Variants in FANCC observed in about 807,000 individuals in gnomAD.
FANCC encodes FA complementation group C.
FANCC carries 55 observed loss-of-function variants against 71.3 expected under a neutral mutation model. The ratio of observed to expected loss-of-function variants is 0.77; its 90% confidence interval spans 0.62 to 0.97. FANCC has a LOEUF of 0.97. FANCC is among the 50% of genes least tolerant of loss of function. The pLI is 0.00. For missense variants in FANCC, 678 were observed against 670.9 expected, an observed-to-expected ratio of 1.01 and a Z score of -0.12; for synonymous variants, 275 against 244.9, an observed-to-expected ratio of 1.12 and a Z score of -1.15.
intron 1 of FANCC, among the ~76,000 whole-genome samples, chr9:95,284,927 CAGAG>C (rs1269171248): frequency 5.3e-5 from 8 of 151,210 alleles, no homozygotes; most frequent in African/African-American, 1.9e-4. Context: ...CGCACACGCA[CAGAG>C]AGAGACACGC....
chr9:95,308,626 G>A lies in FANCC; in HGVS notation c.-79+8900C>T, dbSNP rs528930233. ...CCACCAGGACTCAAGTGATCCACCC[G>A]CCTCGGCCTCCCAAAGTGCTGCGAT... is the stretch of plus-strand genomic sequence containing the variant. On this transcript the variant is annotated intron_variant, in intron 1 of 14. Transcript: ENST00000289081. Among the ~76,000 whole-genome samples, 93 of 151,966 alleles carry A rather than the reference G, an allele frequency of 6.1e-4. 1 individual carries two copies. The East Asian group carries it at 0.017, about 28-fold the overall frequency.
At chr9:95,149,725 C>T (rs1401414787) in intron 7 of FANCC, among the ~76,000 whole-genome samples, 198 bp downstream of exon 7, 5 of 152,114 alleles carry the variant, frequency 3.3e-5, no homozygotes, top group African/African-American at 7.2e-5. Context: ...GTGATCCACC[C>T]GCCTTGGCCT....
intron 4 of FANCC, among the ~76,000 whole-genome samples, chr9:95,185,902 A>G (rs528561620): frequency 1.4e-4 from 22 of 152,382 alleles, no homozygotes; most frequent in African/African-American, 5.0e-4. Context: ...TTTGAGATGT[A>G]TAAAAGTATT....
chr9:95,261,898 T>A (rs1054794189), intron 1 of FANCC, among the ~76,000 whole-genome samples: 2 of 151,460 alleles, frequency 1.3e-5, no homozygotes, highest in African/African-American at 4.9e-5. Context: ...CAGGAAGAGG[T>A]GAGGGGCTGG....
chr9:95,113,278 T>C (rs975690363), intron 12 of FANCC, among the ~76,000 whole-genome samples: 2 of 152,180 alleles, frequency 1.3e-5, no homozygotes, highest in Non-Finnish European at 2.9e-5. Context: ...GTGTCACCCA[T>C]TGTCTGTGTC....
At chr9:95,111,876 G>A (rs1395378617) in intron 12 of FANCC, among the ~76,000 whole-genome samples, 1 of 152,096 alleles carries the variant, frequency 6.6e-6, no homozygotes, top group East Asian at 1.9e-4. Flanking sequence ...TTTGGACATC[G>A]GAGTCTTTAA....
At chr9:95,293,672 TTTG>T (rs1317697954) in intron 1 of FANCC, 1 of 1,613,944 alleles carries the variant, frequency 6.2e-7, no homozygotes, top group Non-Finnish European at 8.5e-7. Context: ...CTCAAACTGA[TTTG>T]TTGTTTGATT....
At chr9:95,237,911 G>A (rs1830414907) in intron 4 of FANCC, among the ~76,000 whole-genome samples, 1 of 152,110 alleles carries the variant, frequency 6.6e-6, no homozygotes, top group African/African-American at 2.4e-5. Context: ...TACTGAATTA[G>A]GTGAAATATC....
chr9:95,248,371 A>C (rs1304675980), intron 2 of FANCC, among the ~76,000 whole-genome samples: 1 of 152,184 alleles, frequency 6.6e-6, no homozygotes, highest in Non-Finnish European at 1.5e-5. Flanking sequence ...TTAAAAAAAC[A>C]ATTCTAAAAA....
At chr9:95,152,513 G>C (rs1370011042) in intron 6 of FANCC, among the ~76,000 whole-genome samples, 1 of 152,190 alleles carries the variant, frequency 6.6e-6, no homozygotes, top group Non-Finnish European at 1.5e-5. Flanking sequence ...CCAGTGAACC[G>C]GGGAGGATGG....
intron 4 of FANCC, among the ~76,000 whole-genome samples, chr9:95,188,481 C>T (rs1329285766): frequency 6.6e-6 from 1 of 152,224 alleles, no homozygotes; most frequent in Non-Finnish European, 1.5e-5. Flanking sequence ...CACAAGCCTA[C>T]AACTTACACT....
chr9:95,259,528 T>C (rs1400699526), intron 1 of FANCC, among the ~76,000 whole-genome samples: 1 of 152,158 alleles, frequency 6.6e-6, no homozygotes, highest in African/African-American at 2.4e-5. Context: ...TTACACCTTA[T>C]ACAAAAATTA....
chr9:95,111,756 C>A, intron 12 of FANCC, 119 bp from the exon 13 acceptor site: 1 of 1,132,102 alleles, frequency 8.8e-7, no homozygotes, highest in Non-Finnish European at 1.3e-6. Flanking sequence ...CACTGAAGTG[C>A]AACCTGCAAG....
chr9:95,107,326 C>T lies in FANCC; in HGVS notation c.1330-57G>A, dbSNP rs1287770057. 5.2e-6 allele frequency: 8 copies of T among 1,552,378 alleles called. No individual in the cohort carries two copies. In the African/African-American group the frequency reaches 6.8e-5, roughly 13 times the overall value. Reference sequence around the variant, plus strand: ...AGGAAGAGGCAGGACAGACATACTTCTAGGATTTATTTATTTGCTTTGAAA... The same window carrying T: ...AGGAAGAGGCAGGACAGACATACTTTTAGGATTTATTTATTTGCTTTGAAA... On this transcript the variant is annotated intron_variant, in intron 13 of 14. Coordinates refer to ENST00000289081, the MANE Select transcript of FANCC (RefSeq NM_000136.3).
At chr9:95,249,674 T>A (rs1372924964) in intron 1 of FANCC, among the ~76,000 whole-genome samples, 2 of 152,240 alleles carry the variant, frequency 1.3e-5, no homozygotes, top group Non-Finnish European at 2.9e-5. Flanking sequence ...TGAGCTATTT[T>A]TAAATGTTCT....
chr9:95,200,723 C>A (rs1485268906), intron 4 of FANCC, among the ~76,000 whole-genome samples: 1 of 152,108 alleles, frequency 6.6e-6, no homozygotes, highest in Non-Finnish European at 1.5e-5. Context: ...GCATTAAAAT[C>A]TAAAGTATTA....
intron 1 of FANCC, among the ~76,000 whole-genome samples, chr9:95,257,679 T>G (rs1251504134): frequency 6.6e-6 from 1 of 151,456 alleles, no homozygotes; most frequent in African/African-American, 2.4e-5. Flanking sequence ...ATAACTAAGA[T>G]CAGAGCAGAA....
chr9:95,311,787 G>A (rs1007543952), intron 1 of FANCC, among the ~76,000 whole-genome samples: 3 of 151,856 alleles, frequency 2.0e-5, no homozygotes, highest in Non-Finnish European at 4.4e-5. Flanking sequence ...AGTCACCAGA[G>A]TAACAGATCT....
intron 9 of FANCC, among the ~76,000 whole-genome samples, chr9:95,125,923 A>C (rs1052786765): frequency 1.3e-5 from 2 of 152,222 alleles, no homozygotes; most frequent in Admixed American, 1.3e-4. Context: ...TACTCCCACT[A>C]ACTTAGTACT....
Sources: gnomAD v4.1 joint callset for allele counts (sites outside exome capture counted in the v4.1 genomes callset) on GRCh38, gnomAD v4.1.1 for gene constraint, MANE v1.5 for transcripts, NCBI Gene and HGNC (gene_info 2026-07-23, HGNC 2026-07-21) for gene names.